The following CALML4 variants were observed in gnomAD, a reference collection of about 807,000 sequenced individuals.
CALML4 encodes the protein calmodulin like 4, also known as calmodulin-like protein 4.
CALML4 carries 16 observed loss-of-function variants against 17.9 expected under a neutral mutation model. The ratio of observed to expected loss-of-function variants is 0.89; its 90% CI spans 0.61 to 1.36. CALML4 has a LOEUF of 1.36. Ranked by LOEUF, CALML4 falls within the 40% of genes most tolerant of loss-of-function variation. The probability of loss-of-function intolerance (pLI) is 0.00; values close to 1 mark genes in which losing one functional copy is unlikely to be tolerated. For missense variants in CALML4, 203 were observed against 194.8 expected (o/e 1.04, Z -0.25); for synonymous variants, 86 against 71.5 (o/e 1.20, Z -1.02).
rs771692425 is a variant in CALML4 at position 68,193,968 on chromosome 15, T to C, written c.*47A>G. The C allele has an allele frequency of 7.1e-7, 1 of 1,398,640 alleles. No homozygotes were observed. The highest frequency in any genetic ancestry group is 1.2e-5 in the South Asian group (1 of 84,778). The allele number at this position is 1,398,640 out of a possible 1,614,324, so 86.6% of individuals were successfully genotyped here. ...AAGAACACTTTTTAAAAAAAATTAATTGCTCCAAGTTTTCAGGCCCAGGGG... is the reference window on the plus strand; with the variant it reads ...AAGAACACTTTTTAAAAAAAATTAACTGCTCCAAGTTTTCAGGCCCAGGGG... On this transcript the variant is annotated 3_prime_UTR_variant, in exon 5 of 5. Coordinates refer to ENST00000467889, the MANE Select transcript of CALML4 (RefSeq NM_033429.3).
chr15:68,199,668 G>A lies in CALML4; in HGVS notation c.48C>T (p.Cys16=), dbSNP rs374150380. 2.7e-5 allele frequency: 44 copies of A among 1,613,238 alleles called. No homozygotes were observed. In the African/African-American group the frequency reaches 5.7e-4, roughly 21 times the overall value. ...SQDQINEYKE[C]FSLYDKQQRG... ...TCTGCTGCTTGTCATACAGGGAGAA[G>A]CATTCCTTGTACTCTGCACACGGCC... Residue 16 remains cysteine, a synonymous_variant, in exon 3 of 5, where the codon TGC becomes TGT. Transcript: ENST00000467889.
chr15:68,199,911 G>A (rs191414064), intron 2 of CALML4: 53 of 400,752 alleles, frequency 1.3e-4, no homozygotes, highest in African/African-American at 9.2e-4. Flanking sequence ...CCCAAATTTT[G>A]CATAGGACAT....
chr15:68,197,501 G>A lies in CALML4; in HGVS notation c.303C>T (p.Val101=). 3.7e-6 allele frequency: 6 copies of A among 1,614,178 alleles called. No homozygotes were observed. Among genetic ancestry groups the A allele is most frequent in the Non-Finnish European group, 5.1e-6 (6 of 1,180,032 alleles). ...LMVDKEKKGY[V]MASDLRSKLT... is the part of the protein sequence containing the mutation. ...GTTTTGACCGCAGGTCGGACGCCATGACGTAACCTTTCTTCTCCTTGTCCA... is the reference window on the plus strand; with the variant it reads ...GTTTTGACCGCAGGTCGGACGCCATAACGTAACCTTTCTTCTCCTTGTCCA... The change falls in exon 4 of 5, where the codon GTC becomes GTT. Residue 101 remains valine, a synonymous_variant. Coordinates refer to ENST00000467889, the MANE Select transcript of CALML4 (RefSeq NM_033429.3). This position sits in a 1 kb window ranked among gnomAD's most constrained non-coding sequence, Gnocchi z 4.1.
rs2093122422 is a variant in CALML4 at position 68,191,975 on chromosome 15, G to C, written c.*2040C>G. 1 of 152,202 alleles carries C rather than the reference G, an allele frequency of 6.6e-6. No individual in the cohort carries two copies. Among genetic ancestry groups the C allele is most frequent in the Non-Finnish European group, 1.5e-5 (1 of 68,042 alleles). 9.4% of individuals were successfully genotyped at this position (152,202 alleles called of 1,614,324 possible). On this transcript the variant is annotated 3_prime_UTR_variant, in exon 5 of 5. Transcript: ENST00000467889. ...TTGGCAAGTTATATTTCAGATTCCT[G>C]TTAGGCAAATGAGATTCATAAAACT...
Position 68,192,086 on chromosome 15 carries a change from A to G in CALML4, c.*1929T>C, listed in dbSNP as rs1567087095. ...GAAAGTACCCTCATTTATTATATCC[A>G]GAACTTGCTCTTCCTGTGCCATCTA... On this transcript the variant is annotated 3_prime_UTR_variant, in exon 5 of 5. Transcript: ENST00000467889. 1 of 152,286 alleles carries G rather than the reference A, an allele frequency of 6.6e-6. No individual in the cohort carries two copies. The highest frequency in any genetic ancestry group is 1.9e-4 in the East Asian group (1 of 5,204). 9.4% of individuals were successfully genotyped at this position (152,286 alleles called of 1,614,324 possible). A position where few individuals can be genotyped will look rare whatever the true frequency, so the allele number is the denominator to read the frequency against.
At chr15:68,196,961 C>G (rs74020070) in intron 4 of CALML4, among the ~76,000 whole-genome samples, 4,651 of 110,658 alleles carry the variant, frequency 0.042, 235 homozygotes, top group African/African-American at 0.15. Flanking sequence ...TTCGGAAACT[C>G]GACCTCAGCA....
In CALML4 at chr15:68,191,854, A is replaced by T. The variant is rs964405968; in HGVS notation, c.*2161T>A. ...AGGTTTGAATCAAACACTTAATAGG[A>T]TCTTAGACTCTGGACCACTGAATCC... is the stretch of plus-strand genomic sequence containing the variant. On this transcript the variant is annotated 3_prime_UTR_variant, in exon 5 of 5. Coordinates refer to ENST00000467889, the MANE Select transcript of CALML4 (RefSeq NM_033429.3). 6.6e-6 allele frequency: 1 copy of T among 152,162 alleles called. No homozygotes were observed. The highest frequency in any genetic ancestry group is 1.5e-5 in the Non-Finnish European group (1 of 68,028). 9.4% of individuals were successfully genotyped at this position (152,162 alleles called of 1,614,324 possible).
At chr15:68,196,961 C>T (rs74020070) in intron 4 of CALML4, among the ~76,000 whole-genome samples, 228 of 110,668 alleles carry the variant, frequency 2.1e-3, no homozygotes, top group African/African-American at 7.5e-3. Context: ...TTCGGAAACT[C>T]GACCTCAGCA....
rs772904631 is a variant in CALML4, at chr15:68,199,649, G to A, written c.67C>T (p.Gln23Ter). The A allele has an allele frequency of 1.8e-5, 29 of 1,613,244 alleles. No individual in the cohort carries two copies. The highest frequency in any genetic ancestry group is 2.3e-5 in the Non-Finnish European group (27 of 1,179,914). ...YKECFSLYDKQQRGKIKATDL... is the reference protein window; with the variant it reads ...YKECFSLYDK Reference sequence around the variant, plus strand: ...GTGGCTTTTATCTTCCCCCTCTGCTGCTTGTCATACAGGGAGAAGCATTCC... The same window carrying A: ...GTGGCTTTTATCTTCCCCCTCTGCTACTTGTCATACAGGGAGAAGCATTCC... The change falls in exon 3 of 5, where the codon CAG (glutamine) becomes TAG (stop). Residue 23 changes from glutamine (Q) to a stop codon, truncating the protein, a stop_gained. Coordinates refer to ENST00000467889, the MANE Select transcript of CALML4 (RefSeq NM_033429.3). LOFTEE classifies it high-confidence loss of function.
At chr15:68,195,390 A>ATAAT (rs772135375) in intron 4 of CALML4, among the ~76,000 whole-genome samples, 1 of 152,336 alleles carries the variant, frequency 6.6e-6, no homozygotes, top group Admixed American at 6.5e-5. Context: ...TGAGGACAGT[A>ATAAT]TAATTCATCT....
chr15:68,199,606 A>G lies in CALML4; in HGVS notation c.110T>C (p.Met37Thr), dbSNP rs753267201. ...CGTCGGGCTGGCCCCCAGGCACCTC[A>G]TGGCCACCATGAGGTCGGTGGCTTT... is the stretch of plus-strand genomic sequence containing the variant. ...KIKATDLMVA[M>T]RCLGASPTPG... Residue 37 changes from methionine (M) to threonine (T), a missense_variant, in exon 3 of 5, where the codon ATG becomes ACG. Met to Thr is a moderately conservative substitution (Grantham distance 81). Coordinates refer to ENST00000467889, the MANE Select transcript of CALML4 (RefSeq NM_033429.3). 1.9e-6 allele frequency: 3 copies of G among 1,613,456 alleles called. No individual in the cohort carries two copies. Among genetic ancestry groups the G allele is most frequent in the Non-Finnish European group, 2.5e-6 (3 of 1,179,864 alleles).
chr15:68,195,351 G>A (rs1188144768), intron 4 of CALML4, among the ~76,000 whole-genome samples: 1 of 152,138 alleles, frequency 6.6e-6, no homozygotes, highest in Non-Finnish European at 1.5e-5. Flanking sequence ...TAAGCTGATA[G>A]TAGTTCTGAG....
At position 68,197,849 on chromosome 15, in the gene CALML4, G is replaced by A. The variant is rs1367787625; in HGVS notation, c.176-221C>T. 3 of 529,188 alleles carry A rather than the reference G, an allele frequency of 5.7e-6. No individual in the cohort carries two copies. Among genetic ancestry groups the A allele is most frequent in the African/African-American group, 3.8e-5 (2 of 52,586 alleles). The allele number at this position is 529,188 out of a possible 1,614,324, so 32.8% of individuals were successfully genotyped here. ...ATTCTTCATTTCAGCAACGTCCTCA[G>A]TGACGATGCTTATCATCACCCCAAA... On this transcript the variant is annotated intron_variant, in intron 3 of 4. Transcript: ENST00000467889. The surrounding 1 kb of genome is among the most constrained non-coding windows in gnomAD (Gnocchi z 4.1).
chr15:68,199,585 G>C lies in CALML4; in HGVS notation c.131C>G (p.Pro44Arg), dbSNP rs566138251. ...MVAMRCLGAS[P>R]TPGEVQRHLQ... The stretch of plus-strand genomic sequence containing the variant: ...GTGCCGCTGCACCTCCCCTGGCGTC[G>C]GGCTGGCCCCCAGGCACCTCATGGC... Residue 44 changes from proline (P) to arginine (R), a missense_variant, in exon 3 of 5, where the codon CCG becomes CGG. Physicochemically the swap from Pro to Arg is moderately radical, Grantham distance 103 (BLOSUM62 -2). Transcript: ENST00000467889. The C allele has an allele frequency of 6.2e-6, 10 of 1,613,590 alleles. No individual in the cohort carries two copies. Among genetic ancestry groups the C allele is most frequent in the Non-Finnish European group, 8.5e-6 (10 of 1,179,898 alleles).
In CALML4 at chr15:68,192,405, C is replaced by T. The variant is rs1013077575; in HGVS notation, c.*1610G>A. 2.0e-5 allele frequency: 3 copies of T among 152,204 alleles called. No homozygotes were observed. The highest frequency in any genetic ancestry group is 2.9e-5 in the Non-Finnish European group (2 of 68,052). The allele number at this position is 152,204 out of a possible 1,614,324, so 9.4% of individuals were successfully genotyped here. On this transcript the variant is annotated 3_prime_UTR_variant, in exon 5 of 5. Coordinates refer to ENST00000467889, the MANE Select transcript of CALML4 (RefSeq NM_033429.3). Reference sequence around the variant, plus strand: ...TTGTATTCTTAAGGCAGCCAAATCTCGTAAACCTCAGACCCCACAAAACAT... The same window carrying T: ...TTGTATTCTTAAGGCAGCCAAATCTTGTAAACCTCAGACCCCACAAAACAT...
At position 68,191,434 on chromosome 15, in the gene CALML4, T is replaced by C. The variant is rs1273973275; in HGVS notation, c.*2581A>G. On this transcript the variant is annotated 3_prime_UTR_variant, in exon 5 of 5. Transcript: ENST00000467889. The stretch of plus-strand genomic sequence containing the variant: ...TGTTACCTGTTTATGTAGAGCTCTT[T>C]AGATGTAATAAAAGAAAAGCCTTCA... 6.6e-6 allele frequency: 1 copy of C among 152,660 alleles called. No homozygotes were observed. The highest frequency in any genetic ancestry group is 1.5e-5 in the Non-Finnish European group (1 of 68,040). The allele number at this position is 152,660 out of a possible 1,614,324, so 9.5% of individuals were successfully genotyped here.
Position 68,200,764 on chromosome 15 carries a change from T to G in CALML4, c.35-1083A>C, listed in dbSNP as rs1454145059. Among the ~76,000 whole-genome samples the G allele has an allele frequency of 2.0e-5, 3 of 152,150 alleles. No homozygotes were observed. The highest frequency in any genetic ancestry group is 4.4e-5 in the Non-Finnish European group (3 of 68,010). ...CCACCCAGGTAGGTCCTTAGAGGCC[T>G]GGACAATAATAGCCCCTTAGCTGAT... On this transcript the variant is annotated intron_variant, in intron 2 of 4. Transcript: ENST00000467889. This position sits in a 1 kb window ranked among gnomAD's most constrained non-coding sequence, Gnocchi z 4.3.
chr15:68,205,097 A>C lies in CALML4; in HGVS notation c.34+24T>G. 1.2e-6 allele frequency: 2 copies of C among 1,613,586 alleles called. No individual in the cohort carries two copies. The highest frequency in any genetic ancestry group is 1.6e-4 in the Middle Eastern group (1 of 6,062). ...GAGACCCATATTTTGCTGAGTTGCTAATCAAAGAACAAACCCAACCTACCA... is the reference window on the plus strand; with the variant it reads ...GAGACCCATATTTTGCTGAGTTGCTCATCAAAGAACAAACCCAACCTACCA... On this transcript the variant is annotated intron_variant, in intron 2 of 4. Coordinates refer to ENST00000467889, the MANE Select transcript of CALML4 (RefSeq NM_033429.3). This position sits in a 1 kb window ranked among gnomAD's most constrained non-coding sequence, Gnocchi z 4.8.
intron 2 of CALML4, among the ~76,000 whole-genome samples, chr15:68,202,479 G>A (rs2093168242): frequency 6.6e-6 from 1 of 152,084 alleles, no homozygotes; most frequent in African/African-American, 2.4e-5. Flanking sequence ...GGTGGTGCAT[G>A]CCTGTAGTCC....
Sources: allele counts gnomAD v4.1 joint callset (sites outside exome capture counted in the v4.1 genomes callset), GRCh38; gene constraint gnomAD v4.1.1; non-coding constraint Gnocchi (gnomAD v3.1); transcripts MANE v1.5; gene names NCBI Gene and HGNC (gene_info 2026-07-23, HGNC 2026-07-21).